LONP2: variants seen among roughly 807,000 people sequenced by gnomAD.
The protein encoded by LONP2 is lon protease homolog 2, peroxisomal.
In LONP2, 60 loss-of-function variants were observed where a neutral mutation model predicts 85.6. That is an observed-to-expected ratio of 0.70 (90% CI 0.57 to 0.87). The LOEUF is 0.87. Among genes scored for constraint, LONP2 ranks in the 40% least tolerant of loss-of-function variants. LONP2 has a pLI of 0.00. For synonymous variants in LONP2, 395 were observed against 389.7 expected (o/e 1.01, Z -0.16); for missense variants, 860 against 1,063.5 (o/e 0.81, Z 2.66).
At position 48,354,083 on chromosome 16, in the gene LONP2, GGGGGTGGGGGGTTAGGGGT is replaced by G. The variant is rs1199630960; in HGVS notation, c.*2286_*2304del. On this transcript the variant is annotated 3_prime_UTR_variant, in exon 15 of 15. Coordinates refer to ENST00000285737, the MANE Select transcript of LONP2 (RefSeq NM_031490.5). ...TTCACCTGGGTTTTTTTTTTTTGGG[GGGGGTGGGGGGTTAGGGGT>G]GGGGCGGGTGGGGAAGAGCCAAAAT... 1 of 135,152 alleles carries G rather than the reference GGGGGTGGGGGGTTAGGGGT, an allele frequency of 7.4e-6. No homozygotes were observed. Among genetic ancestry groups the G allele is most frequent in the East Asian group, 2.2e-4 (1 of 4,522 alleles). 8.4% of individuals were successfully genotyped at this position (135,152 alleles called of 1,614,324 possible).
intron 11 of LONP2, among the ~76,000 whole-genome samples, chr16:48,317,761 T>A (rs1025181008): frequency 2.6e-5 from 4 of 152,186 alleles, no homozygotes; most frequent in Non-Finnish European, 1.5e-5. Context: ...TCATAAGCAA[T>A]AAGATTTGAT....
At chr16:48,271,260 G>A (rs1972097549) in intron 7 of LONP2, among the ~76,000 whole-genome samples, 1 of 152,178 alleles carries the variant, frequency 6.6e-6, no homozygotes, top group Non-Finnish European at 1.5e-5. Context: ...TGCATTCATT[G>A]TTCTCACTGG....
intron 6 of LONP2, among the ~76,000 whole-genome samples, chr16:48,265,346 T>A (rs1165535197): frequency 2.6e-5 from 4 of 152,108 alleles, no homozygotes; most frequent in African/African-American, 7.3e-5. Context: ...TTTTACAGTT[T>A]CAGGCCTTAC....
At chr16:48,260,963 C>T (rs72802164) in intron 4 of LONP2, among the ~76,000 whole-genome samples, 13 of 152,220 alleles carry the variant, frequency 8.5e-5, no homozygotes, top group Admixed American at 2.6e-4. Flanking sequence ...AGCAGGAAAG[C>T]TTTGAAGACA....
Position 48,362,605 on chromosome 16 carries a change from G to A in LONP2, c.*742G>A, listed in dbSNP as rs559160031. On this transcript the variant is annotated 3_prime_UTR_variant, in exon 5 of 5. Transcript: ENST00000565867. This position sits in a 1 kb window ranked among gnomAD's most constrained non-coding sequence, Gnocchi z 4.2. The stretch of plus-strand genomic sequence containing the variant: ...AAAAAAATAAAATTACACTGAATGT[G>A]CACTTTATTAGGATCTGTACACTGG... 3.1e-6 allele frequency: 2 copies of A among 647,776 alleles called. No individual in the cohort carries two copies. Among genetic ancestry groups the A allele is most frequent in the Admixed American group, 3.0e-5 (1 of 33,160 alleles). 40.1% of individuals were successfully genotyped at this position (647,776 alleles called of 1,614,324 possible).
chr16:48,350,821 C>CA (rs1490780509), intron 14 of LONP2, among the ~76,000 whole-genome samples: 1 of 152,136 alleles, frequency 6.6e-6, no homozygotes, highest in Non-Finnish European at 1.5e-5. Context: ...GTGGTTGACT[C>CA]ATGTGACTGG....
At chr16:48,316,136 T>A (rs1349402835) in intron 11 of LONP2, among the ~76,000 whole-genome samples, 1 of 151,934 alleles carries the variant, frequency 6.6e-6, no homozygotes, top group Non-Finnish European at 1.5e-5. Context: ...GCCTCCTGAG[T>A]AGCTGGGATT....
At chr16:48,310,201 C>A (rs918171014) in intron 11 of LONP2, among the ~76,000 whole-genome samples, 1 of 152,052 alleles carries the variant, frequency 6.6e-6, no homozygotes, top group Non-Finnish European at 1.5e-5. Flanking sequence ...AACAGTAAGG[C>A]AAATTTCTTG....
chr16:48,244,415 C>T lies in LONP2; in HGVS notation c.27C>T (p.Ile9=). Residue 9 remains isoleucine, a synonymous_variant, in exon 1 of 15, where the codon ATC becomes ATT. Transcript: ENST00000285737. ...TGTCATCAGTGAGCCCCATCCAGAT[C>T]CCCAGTCGCCTCCCGCTGCTGCTCA... MSSVSPIQ[I]PSRLPLLLTH... The T allele has an allele frequency of 1.3e-6, 2 of 1,580,716 alleles. No individual in the cohort carries two copies. The highest frequency in any genetic ancestry group is 1.1e-5 in the South Asian group (1 of 87,996).
chr16:48,258,418 CTTTTT>C (rs1203913020), intron 3 of LONP2, among the ~76,000 whole-genome samples, 195 bp from the exon 4 acceptor site: 1 of 149,978 alleles, frequency 6.7e-6, no homozygotes, highest in Non-Finnish European at 1.5e-5. Context: ...TTTTTTCTTT[CTTTTT>C]TAAGGATTCT....
At chr16:48,247,959 G>A (rs1280067161) in intron 1 of LONP2, among the ~76,000 whole-genome samples, 2 of 151,446 alleles carry the variant, frequency 1.3e-5, no homozygotes, top group South Asian at 2.1e-4. Flanking sequence ...AGGTAGAAGT[G>A]GTACCTATTG....
In LONP2 at chr16:48,299,710, C is replaced by T; in HGVS notation, c.1583C>T (p.Pro528Leu). Residue 528 changes from proline (P) to leucine (L), a missense_variant, in exon 10 of 15, where the codon CCC becomes CTC. Transcript: ENST00000285737. The stretch of plus-strand genomic sequence containing the variant: ...GAGATTGCCCATAGGCACTTGATCC[C>T]CAAGCAGCTGGAACAACATGGGCTG... ...KIEIAHRHLI[P>L]KQLEQHGLTP... 1 of 1,613,966 alleles carries T rather than the reference C, an allele frequency of 6.2e-7. No homozygotes were observed. Among genetic ancestry groups the T allele is most frequent in the African/African-American group, 1.3e-5 (1 of 75,014 alleles).
At chr16:48,301,491 C>A (rs1351227989) in intron 10 of LONP2, among the ~76,000 whole-genome samples, 1 of 150,292 alleles carries the variant, frequency 6.7e-6, no homozygotes, top group Admixed American at 6.6e-5. Flanking sequence ...AGGTGCATGC[C>A]GGGCGTGGTG....
intron 11 of LONP2, among the ~76,000 whole-genome samples, chr16:48,321,763 A>G (rs1043550696): frequency 6.6e-6 from 1 of 152,106 alleles, no homozygotes; most frequent in African/African-American, 2.4e-5. Flanking sequence ...ATAAACAACA[A>G]ATAAAAGCTG....
intron 8 of LONP2, among the ~76,000 whole-genome samples, chr16:48,285,621 C>T (rs560189282): frequency 6.6e-6 from 1 of 152,220 alleles, no homozygotes; most frequent in East Asian, 1.9e-4. Context: ...AATTGTCATT[C>T]AGCCCCTCTA....
At chr16:48,315,313 T>C (rs1451548156) in intron 11 of LONP2, among the ~76,000 whole-genome samples, 2 of 152,222 alleles carry the variant, frequency 1.3e-5, no homozygotes, top group Non-Finnish European at 2.9e-5. Context: ...ACCTGAGATT[T>C]GCTGACAGTT....
intron 11 of LONP2, among the ~76,000 whole-genome samples, chr16:48,332,043 A>C (rs991078996): frequency 2.6e-4 from 40 of 152,212 alleles, no homozygotes; most frequent in Non-Finnish European, 3.2e-4. Flanking sequence ...CTAGAGCCCA[A>C]CAGGAGAGGA....
chr16:48,318,481 A>G (rs1451208126), intron 11 of LONP2, among the ~76,000 whole-genome samples: 1 of 152,172 alleles, frequency 6.6e-6, no homozygotes, highest in Non-Finnish European at 1.5e-5. Context: ...ATCACACCAC[A>G]GCACTCTAGC....
chr16:48,349,249 G>GA (rs879906791), intron 14 of LONP2, among the ~76,000 whole-genome samples: 39 of 142,966 alleles, frequency 2.7e-4, no homozygotes, highest in East Asian at 4.0e-4. Context: ...GCAAGATGAG[G>GA]AAAAAAAAAA....
Sources: gnomAD v4.1 joint callset for allele counts (sites outside exome capture counted in the v4.1 genomes callset) on GRCh38, gnomAD v4.1.1 for gene constraint, Gnocchi (gnomAD v3.1) non-coding constraint, MANE v1.5 for transcripts, NCBI Gene and HGNC (gene_info 2026-07-23, HGNC 2026-07-21) for gene names.